LTBP1: variants seen among roughly 807,000 people sequenced by gnomAD.
LTBP1 encodes the protein latent transforming growth factor beta binding protein 1, also known as latent-transforming growth factor beta-binding protein 1.
Under a neutral mutation model 207.6 loss-of-function variants are expected in LTBP1, and 129 were observed. That is an observed-to-expected ratio of 0.62 (90% CI 0.54 to 0.72). LTBP1 has a LOEUF of 0.72. Among genes scored for constraint, LTBP1 ranks in the 30% least tolerant of loss-of-function variants. The pLI, the probability that LTBP1 is intolerant of heterozygous loss-of-function variation, is 0.00. For synonymous variants in LTBP1, 963 were observed against 833.7 expected, an observed-to-expected ratio of 1.16 and a Z score of -2.67; for missense variants, 2,281 against 2,217.2, an observed-to-expected ratio of 1.03 and a Z score of -0.58.
In LTBP1 at chr2:33,110,586, A is replaced by T. The variant is rs747205443; in HGVS notation, c.868A>T (p.Thr290Ser). The T allele has an allele frequency of 6.2e-7, 1 of 1,611,952 alleles. No homozygotes were observed. Among genetic ancestry groups the T allele is most frequent in the African/African-American group, 1.3e-5 (1 of 74,878 alleles). The part of the protein sequence containing the change: ...GLPQQIHSQV[T>S]PLSSQSVVIH... ...CTTTATTTTGTTTCTTCCCAGAGTG[A>T]CTCCTCTTTCTTCCCAGAGTGTGGT... is the stretch of plus-strand genomic sequence containing the variant. Residue 290 changes from threonine (T) to serine (S), a missense_variant, in exon 4 of 34, where the codon ACT becomes TCT. By Grantham distance (58) the Thr-to-Ser change is moderately conservative. Transcript: ENST00000404816.
intron 3 of LTBP1, among the ~76,000 whole-genome samples, chr2:33,099,248 C>G (rs1215644935): frequency 6.6e-6 from 1 of 151,906 alleles, no homozygotes; most frequent in African/African-American, 2.4e-5. Context: ...CTTAGGTGAC[C>G]TAGTTTAGCA....
intron 9 of LTBP1, among the ~76,000 whole-genome samples, chr2:33,229,634 T>A (rs1403760177): frequency 1.3e-5 from 2 of 152,246 alleles, no homozygotes; most frequent in African/African-American, 2.4e-5. Context: ...AATCACTTGC[T>A]ATCTATTTTG....
chr2:33,254,511 T>C (rs535865564), intron 11 of LTBP1, among the ~76,000 whole-genome samples: 1 of 150,590 alleles, frequency 6.6e-6, no homozygotes, highest in Non-Finnish European at 1.5e-5. Context: ...ATGGTGATTT[T>C]CACTAAAAAT....
chr2:33,215,711 C>CTTTTTTTTTTT (rs201936680), intron 7 of LTBP1, among the ~76,000 whole-genome samples: 4 of 125,998 alleles, frequency 3.2e-5, no homozygotes, highest in Non-Finnish European at 5.0e-5. Context: ...CATTGGTTTT[C>CTTTTTTTTTTT]TTTTGTTTTT....
chr2:33,047,037 A>G (rs964828213), intron 3 of LTBP1, among the ~76,000 whole-genome samples: 4 of 152,068 alleles, frequency 2.6e-5, no homozygotes, highest in Non-Finnish European at 4.4e-5. Context: ...TTGTATATCT[A>G]TTTTATTAAT....
At chr2:33,253,881 CTTTTTTTTTTTT>C (rs61042956) in intron 11 of LTBP1, among the ~76,000 whole-genome samples, 1,971 of 101,694 alleles carry the variant, frequency 0.019, 36 homozygotes, top group Non-Finnish European at 0.029. Context: ...ATCTGATGCA[CTTTTTTTTTTTT>C]TTTTTTTTTT....
chr2:33,089,344 G>C (rs11884752), intron 3 of LTBP1, among the ~76,000 whole-genome samples: 31,400 of 151,962 alleles, frequency 0.21, 3,487 homozygotes, highest in East Asian at 0.34. Flanking sequence ...GTGCCTTTTA[G>C]ATCAAATTGA....
At chr2:33,391,304 C>T (rs1201504474) in intron 32 of LTBP1, among the ~76,000 whole-genome samples, 2 of 143,570 alleles carry the variant, frequency 1.4e-5, no homozygotes, top group Non-Finnish European at 3.0e-5. Context: ...AGATGAACAA[C>T]ACTCTTTCTT....
chr2:32,993,592 C>T (rs960413559), intron 2 of LTBP1, among the ~76,000 whole-genome samples: 1 of 152,188 alleles, frequency 6.6e-6, no homozygotes, highest in Non-Finnish European at 1.5e-5. Context: ...TGGGTAGTCA[C>T]TAGGAGACCA....
At chr2:32,998,307 G>A (rs1471582951) in intron 2 of LTBP1, among the ~76,000 whole-genome samples, 1 of 151,782 alleles carries the variant, frequency 6.6e-6, no homozygotes, top group Non-Finnish European at 1.5e-5. Context: ...CATGAGGTCA[G>A]GAGATCGAGA....
intron 24 of LTBP1, among the ~76,000 whole-genome samples, chr2:33,339,326 A>G (rs2094588985): frequency 6.6e-6 from 1 of 152,142 alleles, no homozygotes; most frequent in South Asian, 2.1e-4. Flanking sequence ...TTTTTGAGAG[A>G]GACTGGGAAA....
chr2:33,047,351 C>G (rs1219888384), intron 3 of LTBP1, among the ~76,000 whole-genome samples: 2 of 152,194 alleles, frequency 1.3e-5, no homozygotes, highest in East Asian at 3.8e-4. Context: ...TTACTTCTTT[C>G]TGCCTTAATT....
Position 33,000,137 on chromosome 2 carries a change from T to A in LTBP1, c.566-20772T>A, listed in dbSNP as rs1430159257. Among the ~76,000 whole-genome samples the A allele has an allele frequency of 1.5e-5, 2 of 135,262 alleles. 1 individual carries two copies. Among genetic ancestry groups the A allele is most frequent in the Non-Finnish European group, 3.3e-5 (2 of 61,422 alleles). 88.7% of individuals were successfully genotyped at this position (135,262 alleles called of 152,430 possible). A position where few individuals can be genotyped will look rare whatever the true frequency, so the allele number is the denominator to read the frequency against. ...TCTGAGACAAACACTACTCAAAGGCTGTGATCTGGCTGATTCTCAGAATTA... is the reference window on the plus strand; with the variant it reads ...TCTGAGACAAACACTACTCAAAGGCAGTGATCTGGCTGATTCTCAGAATTA... On this transcript the variant is annotated intron_variant, in intron 2 of 33. Coordinates refer to ENST00000404816, the MANE Select transcript of LTBP1 (RefSeq NM_206943.4).
intron 19 of LTBP1, among the ~76,000 whole-genome samples, chr2:33,282,347 A>G (rs567602000): frequency 2.0e-4 from 31 of 152,176 alleles, no homozygotes; most frequent in African/African-American, 7.5e-4. Context: ...CACTCCCCCA[A>G]GATTTAATTG....
chr2:33,093,595 C>G (rs940613283), intron 3 of LTBP1, among the ~76,000 whole-genome samples: 1 of 151,920 alleles, frequency 6.6e-6, no homozygotes, highest in Non-Finnish European at 1.5e-5. Context: ...TCTTAAGACC[C>G]TAGGCAATGA....
chr2:33,307,085 C>CAAAAAAAAAAAA (rs1291775472), intron 22 of LTBP1, among the ~76,000 whole-genome samples: 1 of 151,716 alleles, frequency 6.6e-6, no homozygotes, highest in Non-Finnish European at 1.5e-5. Context: ...GACTCCATCT[C>CAAAAAAAAAAAA]AAAAACAAAA....
chr2:33,014,120 C>T (rs1394684629), intron 2 of LTBP1, among the ~76,000 whole-genome samples: 2 of 152,106 alleles, frequency 1.3e-5, no homozygotes, highest in Non-Finnish European at 2.9e-5. Context: ...AATAGATTTT[C>T]ATAAGGATGA....
chr2:33,042,436 G>C (rs2076236044), intron 3 of LTBP1, among the ~76,000 whole-genome samples: 1 of 152,168 alleles, frequency 6.6e-6, no homozygotes, highest in African/African-American at 2.4e-5. Context: ...GGAGGACAGA[G>C]CAAAGGGAGA....
intron 3 of LTBP1, among the ~76,000 whole-genome samples, chr2:33,073,912 C>A (rs1166772980): frequency 6.6e-6 from 1 of 152,168 alleles, no homozygotes; most frequent in Non-Finnish European, 1.5e-5. Flanking sequence ...CAGGTGTGAG[C>A]CACTGTGAGT....
Sources: gnomAD v4.1 joint callset for allele counts (sites outside exome capture counted in the v4.1 genomes callset) on GRCh38, gnomAD v4.1.1 for gene constraint, MANE v1.5 for transcripts, NCBI Gene and HGNC (gene_info 2026-07-23, HGNC 2026-07-21) for gene names.